ERN1: variants seen among roughly 807,000 people sequenced by gnomAD.
ERN1 encodes the protein endoplasmic reticulum to nucleus signaling 1, also known as serine/threonine-protein kinase/endoribonuclease IRE1.
In ERN1, 39 loss-of-function variants were observed where a neutral mutation model predicts 113.1. The ratio of observed to expected loss-of-function variants is 0.34; its 90% CI spans 0.27 to 0.45. The LOEUF is 0.45. Ranked by LOEUF, ERN1 falls within the 20% of genes least tolerant of loss-of-function variation. The pLI is 1.00. For missense variants in ERN1, 976 were observed against 1,274.8 expected (o/e 0.77, Z 3.57); for synonymous variants, 507 against 515.9 (o/e 0.98, Z 0.23).
chr17:64,075,031 T>C, intron 5 of ERN1, 144 bp downstream of exon 5: 1 of 687,100 alleles, frequency 1.5e-6, no homozygotes, highest in Non-Finnish European at 2.5e-6. Context: ...CAGCTGATCC[T>C]GGGGAGAACA....
intron 12 of ERN1, 47 bp from the exon 13 acceptor site, chr17:64,055,995 G>T: frequency 1.3e-6 from 2 of 1,493,542 alleles, no homozygotes; most frequent in Non-Finnish European, 1.8e-6. Context: ...GTTCCCACAG[G>T]GAAACAAGCA....
chr17:64,106,849 G>A (rs1394822971), intron 1 of ERN1, among the ~76,000 whole-genome samples: 1 of 151,598 alleles, frequency 6.6e-6, no homozygotes, highest in African/African-American at 2.4e-5. Flanking sequence ...CTCAACCTGT[G>A]CAGTAACATC....
At chr17:64,120,440 A>G (rs1914925925) in intron 1 of ERN1, among the ~76,000 whole-genome samples, 1 of 152,172 alleles carries the variant, frequency 6.6e-6, no homozygotes, top group Non-Finnish European at 1.5e-5. Flanking sequence ...ACACTCCTGC[A>G]GCCCAGACAA....
chr17:64,073,824 T>G (rs916685998), intron 5 of ERN1, among the ~76,000 whole-genome samples: 3 of 152,128 alleles, frequency 2.0e-5, no homozygotes, highest in African/African-American at 7.2e-5. Flanking sequence ...ATGTTTCTTC[T>G]GTAGAGACGG....
intron 2 of ERN1, chr17:64,097,885 C>G: frequency 2.0e-6 from 1 of 492,582 alleles, no homozygotes; most frequent in Non-Finnish European, 3.6e-6. Context: ...GAAGTCTAAA[C>G]AGAAGCAAAA....
chr17:64,044,216 A>C lies in ERN1; in HGVS notation c.2722-16T>G. The C allele has an allele frequency of 2.0e-6, 3 of 1,496,916 alleles. No homozygotes were observed. Among genetic ancestry groups the C allele is most frequent in the Non-Finnish European group, 2.7e-6 (3 of 1,117,614 alleles). 92.7% of individuals were successfully genotyped at this position (1,496,916 alleles called of 1,614,324 possible). On this transcript the variant is annotated splice_polypyrimidine_tract_variant and intron_variant, in intron 21 of 21. Transcript: ENST00000433197. The surrounding 1 kb of genome is among the most constrained non-coding windows in gnomAD (Gnocchi z 4.1). Reference sequence around the variant, plus strand: ...AGTGGTGCTTCTGCAAAGAGTTAGAAAGCTCGGGAGATTAGAAAGGGGTTA... The same window carrying C: ...AGTGGTGCTTCTGCAAAGAGTTAGACAGCTCGGGAGATTAGAAAGGGGTTA...
chr17:64,076,983 A>G (rs1276885983), intron 4 of ERN1, among the ~76,000 whole-genome samples: 2 of 152,168 alleles, frequency 1.3e-5, no homozygotes, highest in Non-Finnish European at 2.9e-5. Context: ...TAAAACGGGG[A>G]TATCACCCAC....
chr17:64,065,968 G>A (rs867306894), intron 8 of ERN1, among the ~76,000 whole-genome samples: 1 of 152,032 alleles, frequency 6.6e-6, no homozygotes, highest in African/African-American at 2.4e-5. Context: ...CTCTCTCAAC[G>A]AATACCTTAC....
At chr17:64,069,415 A>G (rs1913338258) in intron 6 of ERN1, among the ~76,000 whole-genome samples, 1 of 152,232 alleles carries the variant, frequency 6.6e-6, no homozygotes, top group Non-Finnish European at 1.5e-5. Flanking sequence ...TTCAATGGAC[A>G]AGGAACGGAC....
chr17:64,126,682 T>C (rs1265325652), intron 1 of ERN1, among the ~76,000 whole-genome samples: 2 of 124,746 alleles, frequency 1.6e-5, no homozygotes, highest in African/African-American at 1.2e-4. Flanking sequence ...GATAACAAAC[T>C]CAATGAACAT....
chr17:64,065,399 C>T (rs1598054895), intron 8 of ERN1, 112 bp from the exon 9 acceptor site: 4 of 741,966 alleles, frequency 5.4e-6, no homozygotes, highest in South Asian at 3.7e-5. Flanking sequence ...ATTAACCCCC[C>T]AGACATGGAG....
At chr17:64,114,179 T>C (rs1488271719) in intron 1 of ERN1, among the ~76,000 whole-genome samples, 1 of 152,128 alleles carries the variant, frequency 6.6e-6, no homozygotes, top group Non-Finnish European at 1.5e-5. Context: ...GTTACTATTA[T>C]TCATTAAGAA....
Position 64,064,080 on chromosome 17 carries a change from C to T in ERN1, c.993G>A (p.Glu331=). ...CGTCCGTGCTGGGCGTGATCACACA[C>T]TCCCCCTTGTCCCCAATGGTGACGC... ...TDGVTIGDKG[E]CVITPSTDVK... is the part of the protein sequence containing the mutation. Residue 331 remains glutamate (E), a synonymous_variant, in exon 10 of 22, where the codon GAG becomes GAA. Transcript: ENST00000433197. 2 of 1,613,494 alleles carry T rather than the reference C, an allele frequency of 1.2e-6. No homozygotes were observed. Among genetic ancestry groups the T allele is most frequent in the Non-Finnish European group, 1.7e-6 (2 of 1,179,636 alleles).
chr17:64,102,673 C>T (rs536361451), intron 1 of ERN1: 12 of 985,224 alleles, frequency 1.2e-5, no homozygotes, highest in Non-Finnish European at 1.4e-5. Flanking sequence ...CTATTTGTAC[C>T]TGAACACTGA....
chr17:64,076,120 A>G (rs1282499821), intron 4 of ERN1, among the ~76,000 whole-genome samples: 2 of 152,272 alleles, frequency 1.3e-5, no homozygotes, highest in Admixed American at 1.3e-4. Flanking sequence ...GCATTTCATC[A>G]TAAAACTGAT....
intron 1 of ERN1, among the ~76,000 whole-genome samples, chr17:64,107,171 C>T (rs565685946): frequency 2.0e-5 from 3 of 152,256 alleles, no homozygotes; most frequent in African/African-American, 7.2e-5. Context: ...TGCAAAGGTC[C>T]ATGACATAAA....
At chr17:64,066,962 G>A (rs1243928427) in intron 7 of ERN1, 30 bp from the exon 8 acceptor site, 10 of 1,602,010 alleles carry the variant, frequency 6.2e-6, no homozygotes, top group Non-Finnish European at 8.5e-6. Context: ...AAAGCATGCT[G>A]AGTCTCACCC....
chr17:64,047,480 C>G (rs533113855), intron 19 of ERN1, among the ~76,000 whole-genome samples: 1 of 152,138 alleles, frequency 6.6e-6, no homozygotes, highest in South Asian at 2.1e-4. Flanking sequence ...TTTATTGAAC[C>G]TGAGGGATGA....
chr17:64,042,051 C>CCTAA lies in ERN1; in HGVS notation c.*1936_*1937insTTAG, dbSNP rs1443379107. The CCTAA allele has an allele frequency of 2.0e-5, 3 of 152,282 alleles. No individual in the cohort carries two copies. Among genetic ancestry groups the CCTAA allele is most frequent in the African/African-American group, 7.2e-5 (3 of 41,452 alleles). 9.4% of individuals were successfully genotyped at this position (152,282 alleles called of 1,614,324 possible). ...GGCTGGGGGCACTCCCTGTGGCAGG[C>CCTAA]CTGTTAAATCACTCGTGGCACCTTC... On this transcript the variant is annotated 3_prime_UTR_variant, in exon 22 of 22. Transcript: ENST00000433197.
Sources: allele counts gnomAD v4.1 joint callset (sites outside exome capture counted in the v4.1 genomes callset), GRCh38; gene constraint gnomAD v4.1.1; non-coding constraint Gnocchi (gnomAD v3.1); transcripts MANE v1.5; gene names NCBI Gene and HGNC (gene_info 2026-07-23, HGNC 2026-07-21).